Variants in TOMM70 observed in about 807,000 individuals in gnomAD.
The protein encoded by TOMM70 is mitochondrial import receptor subunit TOM70.
Under a neutral mutation model 73.6 loss-of-function variants are expected in TOMM70, and 13 were observed. The observed-to-expected ratio is 0.18, with a 90% CI of 0.11 to 0.28. The LOEUF is 0.28. Ranked by LOEUF, TOMM70 falls within the 10% of genes least tolerant of loss-of-function variation. The pLI, the probability that TOMM70 is intolerant of heterozygous loss-of-function variation, is 1.00. For synonymous variants in TOMM70, 257 were observed against 271.2 expected (o/e 0.95, Z 0.51); for missense variants, 609 against 747.5 (o/e 0.81, Z 2.16).
chr3:100,388,179 A>G (rs1421738043), intron 1 of TOMM70, among the ~76,000 whole-genome samples: 1 of 152,224 alleles, frequency 6.6e-6, no homozygotes, highest in Admixed American at 6.5e-5. Context: ...TTTCAGGACT[A>G]TGAATATGTG....
In TOMM70 at chr3:100,373,531, T is replaced by C. The variant is rs1161925998; in HGVS notation, c.1335+7A>G. 4.4e-6 allele frequency: 7 copies of C among 1,594,984 alleles called. No homozygotes were observed. The highest frequency in any genetic ancestry group is 5.1e-6 in the Non-Finnish European group (6 of 1,171,740). ...TTTAGGAAAATACAAAAGAAAGTAG[T>C]ACCTACCAATGCAAAACATTTCTGT... is the stretch of plus-strand genomic sequence containing the variant. On this transcript the variant is annotated splice_region_variant and intron_variant, in intron 8 of 11. Coordinates refer to ENST00000284320, the MANE Select transcript of TOMM70 (RefSeq NM_014820.5).
chr3:100,365,927 C>T (rs2148887939), intron 11 of TOMM70, among the ~76,000 whole-genome samples: 1 of 152,288 alleles, frequency 6.6e-6, no homozygotes, highest in South Asian at 2.1e-4. Flanking sequence ...GAGTACCTAC[C>T]ACATTGAAAG....
At chr3:100,381,544 C>T in intron 5 of TOMM70, 71 bp downstream of exon 5, 9 of 1,462,376 alleles carry the variant, frequency 6.2e-6, no homozygotes, top group African/African-American at 1.4e-5. Context: ...GCTCAGAACC[C>T]ATATGGGCCC....
chr3:100,374,041 T>C (rs1342009241), intron 7 of TOMM70, among the ~76,000 whole-genome samples: 1 of 152,214 alleles, frequency 6.6e-6, no homozygotes, highest in Non-Finnish European at 1.5e-5. Context: ...TAAGAGGTTA[T>C]CTCAACACTT....
At chr3:100,394,243 C>T (rs1449643893) in intron 1 of TOMM70, among the ~76,000 whole-genome samples, 1 of 152,126 alleles carries the variant, frequency 6.6e-6, no homozygotes, top group Non-Finnish European at 1.5e-5. Flanking sequence ...TTTTAAATTT[C>T]TCAAACTCAA....
intron 9 of TOMM70, among the ~76,000 whole-genome samples, chr3:100,370,445 T>C (rs538346590): frequency 2.6e-5 from 4 of 152,326 alleles, no homozygotes; most frequent in South Asian, 2.1e-4. Flanking sequence ...CCCCAATTGT[T>C]TGTCATAGTT....
chr3:100,381,431 C>T (rs911873063), intron 5 of TOMM70, among the ~76,000 whole-genome samples, 184 bp downstream of exon 5: 1 of 152,004 alleles, frequency 6.6e-6, no homozygotes, highest in South Asian at 2.1e-4. Flanking sequence ...GTAACAGATA[C>T]ATGCTAGAAA....
At chr3:100,387,458 C>T (rs11720172) in intron 1 of TOMM70, among the ~76,000 whole-genome samples, 26,970 of 151,638 alleles carry the variant, frequency 0.18, 2,814 homozygotes, top group Non-Finnish European at 0.24. Flanking sequence ...GCCTGCCCCC[C>T]CAAAAAAGCA....
chr3:100,368,910 A>G, intron 10 of TOMM70, 128 bp downstream of exon 10: 1 of 648,194 alleles, frequency 1.5e-6, no homozygotes, highest in South Asian at 2.0e-5. Flanking sequence ...AAAGACATCT[A>G]GGAGCATTAA....
chr3:100,385,415 C>T (rs186866825), intron 3 of TOMM70, among the ~76,000 whole-genome samples: 1 of 151,986 alleles, frequency 6.6e-6, no homozygotes, highest in Non-Finnish European at 1.5e-5. Context: ...CTAAAATGTT[C>T]TCTAAAATAC....
chr3:100,374,357 G>C (rs886928584), intron 7 of TOMM70, among the ~76,000 whole-genome samples: 1 of 152,130 alleles, frequency 6.6e-6, no homozygotes, highest in Non-Finnish European at 1.5e-5. Context: ...CAACAAAATC[G>C]CCTAATAATG....
intron 1 of TOMM70, among the ~76,000 whole-genome samples, chr3:100,389,839 C>T (rs572120712): frequency 6.6e-6 from 1 of 152,160 alleles, no homozygotes; most frequent in East Asian, 1.9e-4. Context: ...GTCAGGAGTT[C>T]GAGACCAGCC....
chr3:100,370,129 C>A (rs1371229889), intron 9 of TOMM70, among the ~76,000 whole-genome samples: 1 of 152,044 alleles, frequency 6.6e-6, no homozygotes, highest in Non-Finnish European at 1.5e-5. Context: ...ATGTAGCCAG[C>A]ACATCTTCTT....
chr3:100,378,200 G>A (rs969506552), intron 5 of TOMM70, among the ~76,000 whole-genome samples: 109 of 151,756 alleles, frequency 7.2e-4, no homozygotes, highest in African/African-American at 2.4e-3. Flanking sequence ...CCGAGATGGT[G>A]CCACTGCATT....
At chr3:100,369,161 A>G in intron 9 of TOMM70, 26 bp from the exon 10 acceptor site, 1 of 1,527,860 alleles carries the variant, frequency 6.5e-7, no homozygotes, top group African/African-American at 1.4e-5. Context: ...CTTCAGTTAT[A>G]TTAAGGTAAC....
intron 9 of TOMM70, 83 bp from the exon 10 acceptor site, chr3:100,369,218 TTTAC>T: frequency 1.1e-6 from 1 of 932,144 alleles, no homozygotes; most frequent in East Asian, 2.7e-5. Context: ...ATTATAAAAA[TTTAC>T]TTCATTCATT....
chr3:100,400,647 A>G lies in TOMM70; in HGVS notation c.303T>C (p.Gly101=). ...SPAPGSGHPE[G]PGAHLDMNSL... is the part of the protein sequence containing the mutation. Reference sequence around the variant, plus strand: ...TCACCATGTCCAAGTGAGCACCGGGACCTTCAGGGTGTCCGCTGCCCGGGG... The same window carrying G: ...TCACCATGTCCAAGTGAGCACCGGGGCCTTCAGGGTGTCCGCTGCCCGGGG... The change falls in exon 1 of 12, where the codon GGT becomes GGC. Residue 101 remains glycine, a synonymous_variant. Transcript: ENST00000284320. 6.2e-7 allele frequency: 1 copy of G among 1,612,158 alleles called. No homozygotes were observed. The highest frequency in any genetic ancestry group is 8.5e-7 in the Non-Finnish European group (1 of 1,179,564).
At chr3:100,382,938 T>A (rs1234584243) in intron 4 of TOMM70, among the ~76,000 whole-genome samples, 1 of 152,186 alleles carries the variant, frequency 6.6e-6, no homozygotes, top group African/African-American at 2.4e-5. Context: ...ATTTATCTTA[T>A]ACAGTTGTTA....
chr3:100,392,197 C>T (rs183241605), intron 1 of TOMM70, among the ~76,000 whole-genome samples: 50 of 152,168 alleles, frequency 3.3e-4, no homozygotes, highest in African/African-American at 7.2e-4. Context: ...CTTATTGGAA[C>T]GCATCTCTAC....
Sources: allele counts gnomAD v4.1 joint callset (sites outside exome capture counted in the v4.1 genomes callset), GRCh38; gene constraint gnomAD v4.1.1; transcripts MANE v1.5; gene names NCBI Gene and HGNC (gene_info 2026-07-23, HGNC 2026-07-21).